The following SGCZ variants were observed in gnomAD, a reference collection of about 807,000 sequenced individuals.
SGCZ encodes the protein sarcoglycan zeta.
A neutral mutation model predicts 41.3 loss-of-function variants in SGCZ; 40 were observed. The observed-to-expected ratio is 0.97, with a 90% CI of 0.75 to 1.26. The LOEUF (loss-of-function observed/expected upper bound fraction) is 1.26. SGCZ is among the 50% of genes most tolerant of loss of function. The pLI is 0.00. For missense variants in SGCZ, 552 were observed against 369.8 expected (o/e 1.49, Z -4.04); for synonymous variants, 206 against 137.5 (o/e 1.50, Z -3.49).
intron 1 of SGCZ, among the ~76,000 whole-genome samples, chr8:15,043,035 T>G (rs575156547): frequency 6.6e-6 from 1 of 152,278 alleles, no homozygotes; most frequent in East Asian, 1.9e-4. Flanking sequence ...CCACCTAACC[T>G]TTAACCCATG....
intron 2 of SGCZ, among the ~76,000 whole-genome samples, chr8:14,492,811 T>C (rs1398214968): frequency 1.4e-5 from 2 of 142,492 alleles, no homozygotes; most frequent in African/African-American, 6.2e-5. Flanking sequence ...GTTCCTATGA[T>C]TTTTTTCCAG....
intron 2 of SGCZ, among the ~76,000 whole-genome samples, chr8:14,498,194 T>C (rs1426152028): frequency 6.6e-6 from 1 of 152,222 alleles, no homozygotes; most frequent in Non-Finnish European, 1.5e-5. Flanking sequence ...TATTACTCTG[T>C]CATATGCTGA....
intron 7 of SGCZ, among the ~76,000 whole-genome samples, chr8:14,101,881 T>C (rs967327825): frequency 2.1e-4 from 32 of 151,652 alleles, no homozygotes; most frequent in Admixed American, 1.9e-3. Context: ...TACACAAATA[T>C]GTACTTTTGT....
chr8:14,327,200 G>T (rs190616756), intron 2 of SGCZ, among the ~76,000 whole-genome samples: 85 of 152,260 alleles, frequency 5.6e-4, no homozygotes, highest in Middle Eastern at 6.8e-3. Flanking sequence ...AGTAATTTTG[G>T]ATTTGGAGAT....
intron 1 of SGCZ, among the ~76,000 whole-genome samples, chr8:14,815,382 A>ATTTTT (rs368066882): frequency 1.4e-5 from 2 of 147,712 alleles, no homozygotes; most frequent in African/African-American, 4.9e-5. Context: ...AACTTGTATG[A>ATTTTT]TTTTTTTTTT....
intron 1 of SGCZ, among the ~76,000 whole-genome samples, chr8:14,846,598 T>A (rs1803112201): frequency 1.3e-5 from 2 of 151,546 alleles, no homozygotes; most frequent in South Asian, 2.1e-4. Context: ...GTCAGATCTC[T>A]TTAAAAATAC....
chr8:14,165,663 C>G (rs993057612), intron 4 of SGCZ, among the ~76,000 whole-genome samples: 1 of 152,112 alleles, frequency 6.6e-6, no homozygotes, highest in African/African-American at 2.4e-5. Context: ...AAGCTCTTAT[C>G]AGATAGAACC....
At chr8:14,579,971 G>A (rs906917180) in intron 1 of SGCZ, among the ~76,000 whole-genome samples, 1 of 152,176 alleles carries the variant, frequency 6.6e-6, no homozygotes. Flanking sequence ...ATGATTGTCT[G>A]CTGAAATGAT....
intron 2 of SGCZ, among the ~76,000 whole-genome samples, chr8:14,356,254 A>G (rs2117117877): frequency 6.6e-6 from 1 of 152,336 alleles, no homozygotes. Context: ...TGATATTTTC[A>G]ACTTAACAGT....
chr8:14,421,354 T>C (rs992788728), intron 2 of SGCZ, among the ~76,000 whole-genome samples: 1 of 152,158 alleles, frequency 6.6e-6, no homozygotes, highest in African/African-American at 2.4e-5. Flanking sequence ...TCAAAAATTT[T>C]ACTAGAAGTC....
intron 1 of SGCZ, among the ~76,000 whole-genome samples, chr8:14,742,552 A>C (rs1456960800): frequency 6.6e-6 from 1 of 152,064 alleles, no homozygotes; most frequent in African/African-American, 2.4e-5. Flanking sequence ...AAGTGTAAAC[A>C]AGCTGAATTA....
intron 2 of SGCZ, among the ~76,000 whole-genome samples, chr8:14,327,315 G>A (rs1190675914): frequency 6.6e-6 from 1 of 152,198 alleles, no homozygotes; most frequent in South Asian, 2.1e-4. Flanking sequence ...AGGAAACCAA[G>A]AGTATTAATT....
intron 2 of SGCZ, among the ~76,000 whole-genome samples, chr8:14,403,084 T>G (rs1799121333): frequency 7.0e-6 from 1 of 142,704 alleles, no homozygotes; most frequent in Non-Finnish European, 1.5e-5. Context: ...GATTTGGCTC[T>G]CTGTTTGTCT....
chr8:14,763,399 A>C (rs1397479513), intron 1 of SGCZ, among the ~76,000 whole-genome samples: 1 of 152,202 alleles, frequency 6.6e-6, no homozygotes, highest in Non-Finnish European at 1.5e-5. Context: ...ACTTACAAGC[A>C]TAATTTAATC....
At chr8:15,120,194 G>A (rs1188245604) in intron 1 of SGCZ, among the ~76,000 whole-genome samples, 2 of 152,166 alleles carry the variant, frequency 1.3e-5, no homozygotes, top group African/African-American at 2.4e-5. Flanking sequence ...GCCAATGAAC[G>A]AATGATAAAT....
At chr8:14,376,074 G>C (rs1175973268) in intron 2 of SGCZ, among the ~76,000 whole-genome samples, 3 of 152,164 alleles carry the variant, frequency 2.0e-5, no homozygotes, top group African/African-American at 7.2e-5. Flanking sequence ...AGCACTTTGG[G>C]AGGCCGAGGC....
chr8:14,336,249 T>C (rs915557117), intron 2 of SGCZ, among the ~76,000 whole-genome samples: 7 of 152,194 alleles, frequency 4.6e-5, no homozygotes, highest in Non-Finnish European at 8.8e-5. Context: ...CATGATATCA[T>C]TCTTATTTTT....
chr8:14,170,107 T>G (rs1397309041), intron 4 of SGCZ, among the ~76,000 whole-genome samples: 1 of 152,036 alleles, frequency 6.6e-6, no homozygotes, highest in African/African-American at 2.4e-5. Context: ...CATATATTAT[T>G]CTCTGTATCT....
intron 1 of SGCZ, among the ~76,000 whole-genome samples, chr8:15,074,427 G>T (rs1805459412): frequency 2.0e-5 from 3 of 152,206 alleles, no homozygotes; most frequent in African/African-American, 7.2e-5. Flanking sequence ...ATGGGCTCCT[G>T]ACTGCTGTAG....
Sources: allele counts gnomAD v4.1 joint callset (sites outside exome capture counted in the v4.1 genomes callset), GRCh38; gene constraint gnomAD v4.1.1; transcripts MANE v1.5; gene names NCBI Gene and HGNC (gene_info 2026-07-23, HGNC 2026-07-21).